Variants in KDM4C observed in about 807,000 individuals in gnomAD.
KDM4C encodes lysine-specific demethylase 4C.
Under a neutral mutation model 129.3 loss-of-function variants are expected in KDM4C, and 81 were observed. The observed-to-expected ratio is 0.63, with a 90% CI of 0.52 to 0.75. The LOEUF (loss-of-function observed/expected upper bound fraction) is 0.75, where lower values mean the gene tolerates loss of function less well. Ranked by LOEUF, KDM4C falls within the 30% of genes least tolerant of loss-of-function variation. The pLI is 0.00. For synonymous variants in KDM4C, 573 were observed against 456.1 expected, an observed-to-expected ratio of 1.26 and a Z score of -3.26; for missense variants, 1,457 against 1,304.0, an observed-to-expected ratio of 1.12 and a Z score of -1.81.
chr9:6,757,680 C>G (rs533636615), upstream of KDM4C: 16 of 985,490 alleles, frequency 1.6e-5, no homozygotes, highest in Non-Finnish European at 1.9e-5. Flanking sequence ...ACGTGTGGCG[C>G]GTGGACTACA....
At chr9:6,727,315 G>C (rs536942797) in intron 1 of KDM4C, 1 of 151,742 alleles carries the variant, frequency 6.6e-6, no homozygotes, top group Non-Finnish European at 1.5e-5. Context: ...GCCAGGTGTG[G>C]TGGTGGGCTC....
intron 1 of KDM4C, among the ~76,000 whole-genome samples, chr9:6,781,385 T>TG (rs778418867): frequency 0.097 from 12,063 of 124,076 alleles, 677 homozygotes; most frequent in South Asian, 0.25. Context: ...GTTTTTTGTG[T>TG]TTTTTTTTTA....
intron 17 of KDM4C, among the ~76,000 whole-genome samples, chr9:7,073,137 T>G (rs1243175033): frequency 6.6e-6 from 1 of 152,196 alleles, no homozygotes. Flanking sequence ...CATGGGACTC[T>G]CAGGGGTGGA....
At chr9:7,106,787 G>A (rs1028094306) in intron 18 of KDM4C, among the ~76,000 whole-genome samples, 4 of 152,044 alleles carry the variant, frequency 2.6e-5, no homozygotes, top group Non-Finnish European at 5.9e-5. Context: ...GATCCACCGT[G>A]CCCAGCTAAT....
At chr9:7,158,155 A>G (rs1564190620) in intron 19 of KDM4C, among the ~76,000 whole-genome samples, 1 of 152,062 alleles carries the variant, frequency 6.6e-6, no homozygotes, top group Non-Finnish European at 1.5e-5. Context: ...AGGTGTTTAT[A>G]TTATTCTCTG....
chr9:6,776,436 T>C (rs1375202443), intron 1 of KDM4C, among the ~76,000 whole-genome samples: 1 of 152,016 alleles, frequency 6.6e-6, no homozygotes, highest in African/African-American at 2.4e-5. Flanking sequence ...TAATTTTTTG[T>C]ATTTTTAGTA....
intron 12 of KDM4C, among the ~76,000 whole-genome samples, chr9:7,002,411 T>A (rs1820893945): frequency 6.6e-6 from 1 of 152,232 alleles, no homozygotes; most frequent in Non-Finnish European, 1.5e-5. Context: ...TTAGTTGACT[T>A]ATGTGTCACC....
At chr9:7,017,387 A>G (rs1335977783) in intron 15 of KDM4C, among the ~76,000 whole-genome samples, 1 of 152,210 alleles carries the variant, frequency 6.6e-6, no homozygotes, top group Admixed American at 6.5e-5. Context: ...CCCTATTTAG[A>G]GACCAAGAAT....
chr9:6,831,482 A>G (rs1834815759), intron 4 of KDM4C, among the ~76,000 whole-genome samples: 1 of 152,132 alleles, frequency 6.6e-6, no homozygotes, highest in Non-Finnish European at 1.5e-5. Context: ...AACTGGGATT[A>G]CAGGTGTGTG....
intron 1 of KDM4C, among the ~76,000 whole-genome samples, chr9:6,772,986 G>A (rs541311728): frequency 6.6e-6 from 1 of 152,012 alleles, no homozygotes; most frequent in African/African-American, 2.4e-5. Context: ...GTGAGCCACA[G>A]TGCCTGGCTT....
Position 6,841,200 on chromosome 9 carries a change from C to T in KDM4C, c.436-8307C>T, listed in dbSNP as rs144152360. Among the ~76,000 whole-genome samples the T allele has an allele frequency of 3.8e-3, 582 of 151,890 alleles. 3 individuals carry two copies. The highest frequency in any genetic ancestry group is 0.013 in the African/African-American group (559 of 41,468). On this transcript the variant is annotated intron_variant, in intron 4 of 21. Coordinates refer to ENST00000381309, the MANE Select transcript of KDM4C (RefSeq NM_015061.6). ...GTTCCCCCTGTGAATTCTTGAATTT[C>T]AAAAATTTTTATTGGTCATTATTGG...
At chr9:7,073,124 C>T (rs1002944731) in intron 17 of KDM4C, among the ~76,000 whole-genome samples, 1 of 152,128 alleles carries the variant, frequency 6.6e-6, no homozygotes, top group African/African-American at 2.4e-5. Context: ...CTCCTCTGGA[C>T]GACATGGGAC....
intron 5 of KDM4C, among the ~76,000 whole-genome samples, chr9:6,879,488 G>A (rs547716533): frequency 7.9e-5 from 12 of 152,096 alleles, no homozygotes; most frequent in East Asian, 7.7e-4. Context: ...TGAAAATTAC[G>A]GTGTTCTTAG....
At chr9:6,757,722 G>C, upstream of KDM4C, 1 of 985,612 alleles carries the variant, frequency 1.0e-6, no homozygotes, top group Non-Finnish European at 1.2e-6. Flanking sequence ...CCCAGCCAGC[G>C]CTTCCGGGCA....
At chr9:7,164,966 C>T (rs1179185865) in intron 19 of KDM4C, among the ~76,000 whole-genome samples, 1 of 152,150 alleles carries the variant, frequency 6.6e-6, no homozygotes, top group Non-Finnish European at 1.5e-5. Flanking sequence ...TAGTTACCCC[C>T]TAAACAATTC....
intron 8 of KDM4C, among the ~76,000 whole-genome samples, chr9:6,906,835 G>C (rs933585717): frequency 2.0e-5 from 3 of 152,166 alleles, no homozygotes; most frequent in Admixed American, 6.5e-5. Context: ...AGACTCAAGT[G>C]AATTTTAAAA....
chr9:7,031,206 A>G (rs113484013), intron 15 of KDM4C, among the ~76,000 whole-genome samples: 2,134 of 151,764 alleles, frequency 0.014, 55 homozygotes, highest in African/African-American at 0.048. Flanking sequence ...TCTGTTGCCC[A>G]GGCTGGAGTG....
chr9:6,847,043 A>G (rs1419243047), intron 4 of KDM4C, among the ~76,000 whole-genome samples: 1 of 152,060 alleles, frequency 6.6e-6, no homozygotes, highest in African/African-American at 2.4e-5. Context: ...CCCTCATACC[A>G]TGGGTCTAGG....
intron 5 of KDM4C, among the ~76,000 whole-genome samples, chr9:6,855,242 C>T (rs1839588337): frequency 6.6e-6 from 1 of 151,958 alleles, no homozygotes; most frequent in Non-Finnish European, 1.5e-5. Context: ...GGGCAGATCA[C>T]GAGGTCAGGA....
Sources: gnomAD v4.1 joint callset for allele counts (sites outside exome capture counted in the v4.1 genomes callset) on GRCh38, gnomAD v4.1.1 for gene constraint, MANE v1.5 for transcripts, NCBI Gene and HGNC (gene_info 2026-07-23, HGNC 2026-07-21) for gene names.